Variants in RAB10 observed in about 807,000 individuals in gnomAD.
RAB10 encodes the protein RAB10, member RAS oncogene family.
Under a neutral mutation model 25.7 loss-of-function variants are expected in RAB10, and 5 were observed. That is an observed-to-expected ratio of 0.19 (90% confidence interval 0.10 to 0.41). The LOEUF (loss-of-function observed/expected upper bound fraction) is 0.41, where lower values mean the gene tolerates loss of function less well. Ranked by LOEUF, RAB10 falls within the 10% of genes least tolerant of loss-of-function variation. The pLI, the probability that RAB10 is intolerant of heterozygous loss-of-function variation, is 1.00. For synonymous variants in RAB10, 89 were observed against 86.4 expected (o/e 1.03, Z -0.16); for missense variants, 103 against 245.8 (o/e 0.42, Z 3.89).
chr2:26,041,734 G>T (rs182964693), intron 1 of RAB10, among the ~76,000 whole-genome samples: 2 of 151,662 alleles, frequency 1.3e-5, no homozygotes, highest in Non-Finnish European at 2.9e-5. Flanking sequence ...GTGAAACCCT[G>T]TCTCTACCAA....
At chr2:26,106,113 G>T (rs1667459414) in intron 2 of RAB10, among the ~76,000 whole-genome samples, 2 of 152,214 alleles carry the variant, frequency 1.3e-5, no homozygotes. Context: ...CTGAAAAGGA[G>T]TTTTGATAGA....
chr2:26,086,914 A>G (rs6727672), intron 1 of RAB10, among the ~76,000 whole-genome samples: 4,291 of 152,292 alleles, frequency 0.028, 207 homozygotes, highest in African/African-American at 0.099. Context: ...AGTATCCAAA[A>G]TAGGTAAATC....
In RAB10 at chr2:26,135,058, C is replaced by T. The variant is rs377461983; in HGVS notation, c.*37C>T. ...TTCCATCAGTTGCCATCCACTACCC[C>T]GTTTTCTCTTCTTGCTGCAAAATAA... is the stretch of plus-strand genomic sequence containing the variant. On this transcript the variant is annotated 3_prime_UTR_variant, in exon 6 of 6. Transcript: ENST00000264710. 23 of 1,523,624 alleles carry T rather than the reference C, an allele frequency of 1.5e-5. 1 individual carries two copies. The Middle Eastern group carries it at 6.8e-4, about 45-fold the overall frequency. 94.4% of individuals were successfully genotyped at this position (1,523,624 alleles called of 1,614,324 possible).
chr2:26,050,375 T>G (rs1013684816), intron 1 of RAB10, among the ~76,000 whole-genome samples: 1 of 152,308 alleles, frequency 6.6e-6, no homozygotes. Flanking sequence ...GGATAATTAT[T>G]TATTTATAGT....
At chr2:26,128,169 C>T (rs1050718831) in intron 5 of RAB10, among the ~76,000 whole-genome samples, 2 of 152,150 alleles carry the variant, frequency 1.3e-5, no homozygotes, top group African/African-American at 4.8e-5. Flanking sequence ...GAAACTACCC[C>T]ACCTCAGATC....
chr2:26,117,636 C>A (rs72807800), intron 3 of RAB10, among the ~76,000 whole-genome samples: 115,230 of 142,988 alleles, frequency 0.81, 46,689 homozygotes, highest in African/African-American at 0.87. Flanking sequence ...AAAAAAAAAA[C>A]AAAAAAAACA....
chr2:26,102,066 C>T (rs1055721128), intron 2 of RAB10: 2 of 152,514 alleles, frequency 1.3e-5, no homozygotes, highest in African/African-American at 4.8e-5. Flanking sequence ...CCAGTCACCA[C>T]TCCTGAAGCC....
At chr2:26,109,357 T>C (rs1667527606) in intron 2 of RAB10, among the ~76,000 whole-genome samples, 1 of 152,292 alleles carries the variant, frequency 6.6e-6, no homozygotes, top group East Asian at 1.9e-4. Flanking sequence ...CATTAAATAA[T>C]GGAAAATACT....
At chr2:26,080,099 C>T (rs1666835787) in intron 1 of RAB10, among the ~76,000 whole-genome samples, 1 of 152,132 alleles carries the variant, frequency 6.6e-6, no homozygotes, top group South Asian at 2.1e-4. Context: ...AAGGATGGGA[C>T]ATGTTAGAAG....
intron 1 of RAB10, among the ~76,000 whole-genome samples, chr2:26,062,931 G>A (rs1045494681): frequency 2.6e-5 from 4 of 151,670 alleles, no homozygotes; most frequent in African/African-American, 7.2e-5. Context: ...CCTGGCCAAC[G>A]TGGTGAAACC....
At chr2:26,097,202 C>A (rs1004037396) in intron 1 of RAB10, among the ~76,000 whole-genome samples, 1 of 152,110 alleles carries the variant, frequency 6.6e-6, no homozygotes, top group African/African-American at 2.4e-5. Flanking sequence ...GGTGACAGAG[C>A]AAGACCTTGT....
rs147531369 is a variant in RAB10, at chr2:26,109,126, T to C, written c.189-642T>C. On this transcript the variant is annotated intron_variant, in intron 2 of 5. Transcript: ENST00000264710. ...GGGGTTTCACCATGTTGGCCAAGTG[T>C]CTTGAACTCCTGACCTTAAGTGATC... Among the ~76,000 whole-genome samples the C allele has an allele frequency of 5.3e-5, 8 of 151,652 alleles. No individual in the cohort carries two copies. In the East Asian group the frequency reaches 1.6e-3, roughly 29 times the overall value.
chr2:26,048,797 GCC>G (rs1666071192), intron 1 of RAB10, among the ~76,000 whole-genome samples: 1 of 152,172 alleles, frequency 6.6e-6, no homozygotes, highest in Non-Finnish European at 1.5e-5. Context: ...ATCAGCTGAG[GCC>G]AGGGAGGTTG....
At chr2:26,034,767 C>A in intron 1 of RAB10, 32 bp downstream of exon 1, 1 of 1,612,974 alleles carries the variant, frequency 6.2e-7, no homozygotes, top group East Asian at 2.2e-5. Context: ...TGTACGGTCT[C>A]GGTAGCTGCA....
intron 1 of RAB10, among the ~76,000 whole-genome samples, chr2:26,082,421 TAAAG>T: frequency 6.6e-6 from 1 of 152,082 alleles, no homozygotes; most frequent in East Asian, 1.9e-4. Context: ...TTTCTAGAAA[TAAAG>T]AGGATCTTTT....
At chr2:26,073,083 A>G (rs959019314) in intron 1 of RAB10, among the ~76,000 whole-genome samples, 14 of 152,232 alleles carry the variant, frequency 9.2e-5, no homozygotes, top group African/African-American at 1.7e-4. Context: ...TCTCAAGCTT[A>G]TCTCTTAAGC....
intron 1 of RAB10, among the ~76,000 whole-genome samples, chr2:26,072,826 ATG>A (rs1666656527): frequency 6.6e-6 from 1 of 152,252 alleles, no homozygotes; most frequent in African/African-American, 2.4e-5. Context: ...TTTTAACAAA[ATG>A]TCATTTATGT....
intron 1 of RAB10, among the ~76,000 whole-genome samples, chr2:26,062,045 T>G (rs1159402019): frequency 2.0e-5 from 3 of 152,176 alleles, no homozygotes; most frequent in African/African-American, 4.8e-5. Flanking sequence ...GGGGTTTCTG[T>G]ATGTGATGTC....
chr2:26,110,205 ATG>A (rs945663033), intron 3 of RAB10, among the ~76,000 whole-genome samples: 4 of 151,888 alleles, frequency 2.6e-5, no homozygotes, highest in African/African-American at 9.7e-5. Context: ...GGGTGTGGTG[ATG>A]TGCACCTGTC....
Sources: gnomAD v4.1 joint callset for allele counts (sites outside exome capture counted in the v4.1 genomes callset) on GRCh38, gnomAD v4.1.1 for gene constraint, MANE v1.5 for transcripts, NCBI Gene and HGNC (gene_info 2026-07-23, HGNC 2026-07-21) for gene names.